ZNF212: variants seen among roughly 807,000 people sequenced by gnomAD.
The protein encoded by ZNF212 is Zinc finger protein C2H2-150.
In ZNF212, 32 loss-of-function variants were observed where a neutral mutation model predicts 47.3. The ratio of observed to expected loss-of-function variants is 0.68; its 90% confidence interval spans 0.51 to 0.91. ZNF212 has a LOEUF of 0.91. Ranked by LOEUF, ZNF212 falls within the 40% of genes least tolerant of loss-of-function variation. ZNF212 has a pLI of 0.00. For missense variants in ZNF212, 555 were observed against 622.8 expected, an observed-to-expected ratio of 0.89 and a Z score of 1.16; for synonymous variants, 242 against 253.8, an observed-to-expected ratio of 0.95 and a Z score of 0.44.
At position 149,253,820 on chromosome 7, in the gene ZNF212, T is replaced by G. The variant is rs1796794997; in HGVS notation, c.893T>G (p.Leu298Arg). The change falls in exon 5 of 5, where the codon CTG (leucine) becomes CGG (arginine). Residue 298 changes from leucine (L) to arginine (R), a missense_variant. By Grantham distance (102) the Leu-to-Arg change is moderately radical. Coordinates refer to ENST00000335870, the MANE Select transcript of ZNF212 (RefSeq NM_012256.4). ...PKQKSHRQVQ[L>R]DQECGQGLKL... ...CAGAAATCTCATAGGCAGGTACAGC[T>G]GGACCAGGAATGTGGGCAGGGCCTG... The G allele has an allele frequency of 4.3e-6, 7 of 1,613,872 alleles. No homozygotes were observed. The highest frequency in any genetic ancestry group is 5.9e-6 in the Non-Finnish European group (7 of 1,179,916).
chr7:149,241,487 A>T (rs1026952360), intron 1 of ZNF212, among the ~76,000 whole-genome samples: 1 of 151,868 alleles, frequency 6.6e-6, no homozygotes, highest in Non-Finnish European at 1.5e-5. Flanking sequence ...CTTAAATAAC[A>T]TGAATCTGTC....
intron 1 of ZNF212, among the ~76,000 whole-genome samples, chr7:149,244,628 A>G (rs1294583331): frequency 6.6e-6 from 1 of 152,204 alleles, no homozygotes; most frequent in Non-Finnish European, 1.5e-5. Flanking sequence ...TGATTTTTTT[A>G]ATCCATATAT....
Position 149,254,623 on chromosome 7 carries a change from G to C in ZNF212, c.*208G>C, listed in dbSNP as rs1563190265. The C allele has an allele frequency of 1.4e-6, 1 of 712,766 alleles. No homozygotes were observed. Among genetic ancestry groups the C allele is most frequent in the African/African-American group, 1.8e-5 (1 of 55,700 alleles). The allele number at this position is 712,766 out of a possible 1,614,324, so 44.2% of individuals were successfully genotyped here. ...AGGTCTTCATCCTGCTGCCAAGTTT[G>C]CTGTTTCTTGGCACCTTCAGGTCTC... On this transcript the variant is annotated 3_prime_UTR_variant, in exon 5 of 5. Transcript: ENST00000335870. The surrounding 1 kb of genome is among the most constrained non-coding windows in gnomAD (Gnocchi z 4.5).
rs759971482 is a variant in ZNF212, at chr7:149,253,892, A to G, written c.965A>G (p.Glu322Gly). 1 of 1,614,058 alleles carries G rather than the reference A, an allele frequency of 6.2e-7. No homozygotes were observed. Among genetic ancestry groups the G allele is most frequent in the South Asian group, 1.1e-5 (1 of 91,086 alleles). Reference sequence around the variant, plus strand: ...CGCCCCTACGAATGTTCTGAGTGTGAGATCACCTTCCGCTATAAGCAGCAG... The same window carrying G: ...CGCCCCTACGAATGTTCTGAGTGTGGGATCACCTTCCGCTATAAGCAGCAG... Reference protein sequence around the residue: ...TSRPYECSECEITFRYKQQLA... With the variant: ...TSRPYECSECGITFRYKQQLA... Residue 322 changes from glutamate to glycine, a missense_variant, in exon 5 of 5, where the codon GAG becomes GGG. Physicochemically the swap from Glu to Gly is moderately conservative, Grantham distance 98 (BLOSUM62 -2). Transcript: ENST00000335870.
intron 1 of ZNF212, among the ~76,000 whole-genome samples, chr7:149,249,630 T>C (rs6972149): frequency 0.19 from 29,407 of 151,780 alleles, 3,020 homozygotes; most frequent in Admixed American, 0.31. Flanking sequence ...AGCTTCTTTC[T>C]TTCTTTTTCT....
At position 149,253,816 on chromosome 7, in the gene ZNF212, C is replaced by A; in HGVS notation, c.889C>A (p.Gln297Lys). ...GAAGCAGAAATCTCATAGGCAGGTA[C>A]AGCTGGACCAGGAATGTGGGCAGGG... ...CPKQKSHRQV[Q>K]LDQECGQGLK... Residue 297 changes from glutamine to lysine, a missense_variant, in exon 5 of 5, where the codon CAG becomes AAG. By Grantham distance (53) the Gln-to-Lys change is moderately conservative (BLOSUM62 1). Coordinates refer to ENST00000335870, the MANE Select transcript of ZNF212 (RefSeq NM_012256.4). 1 of 1,614,018 alleles carries A rather than the reference C, an allele frequency of 6.2e-7. No individual in the cohort carries two copies. The highest frequency in any genetic ancestry group is 8.5e-7 in the Non-Finnish European group (1 of 1,179,920).
At chr7:149,239,955 C>T (rs1278927743) in intron 1 of ZNF212, 153 bp downstream of exon 1, 10 of 872,160 alleles carry the variant, frequency 1.1e-5, no homozygotes, top group East Asian at 3.3e-5. Context: ...TCTTCGCGAC[C>T]CCAGTGCTCT....
chr7:149,248,894 CCAGT>C lies in ZNF212; in HGVS notation c.25-1260_25-1257del, dbSNP rs765019763. The stretch of plus-strand genomic sequence containing the variant: ...CCAAACTTAAATGTTCAGTTCTGCA[CCAGT>C]CAGTTTCCTTTTGTCCCATGTTCTC... On this transcript the variant is annotated intron_variant, in intron 1 of 4. Coordinates refer to ENST00000335870, the MANE Select transcript of ZNF212 (RefSeq NM_012256.4). Among the ~76,000 whole-genome samples the C allele has an allele frequency of 7.9e-5, 12 of 152,260 alleles. No individual in the cohort carries two copies. In the South Asian group the frequency reaches 1.9e-3, roughly 24 times the overall value.
rs10263282 is a variant in ZNF212, at chr7:149,250,154, A to C, written c.25-5A>C. The C allele has an allele frequency of 6.6e-7, 1 of 1,515,070 alleles. No homozygotes were observed. The highest frequency in any genetic ancestry group is 8.8e-7 in the Non-Finnish European group (1 of 1,134,586). 93.9% of individuals were successfully genotyped at this position (1,515,070 alleles called of 1,614,324 possible). On this transcript the variant is annotated splice_polypyrimidine_tract_variant and splice_region_variant and intron_variant, in intron 1 of 4. Coordinates refer to ENST00000335870, the MANE Select transcript of ZNF212 (RefSeq NM_012256.4). ...GACATTGACCCTGTGTCTTTAATCC[A>C]TCAGCACAGGAGAAAACGACGCTCC...
intron 3 of ZNF212, among the ~76,000 whole-genome samples, chr7:149,251,491 CTTTTTTTTTTTT>C (rs71194634): frequency 1.7e-4 from 13 of 77,432 alleles, no homozygotes; most frequent in Admixed American, 1.2e-3. Context: ...CCTGTTTTAT[CTTTTTTTTTTTT>C]TTTTTTTTTT....
intron 1 of ZNF212, among the ~76,000 whole-genome samples, chr7:149,244,877 CAG>C (rs1347705936): frequency 1.3e-5 from 2 of 152,118 alleles, no homozygotes; most frequent in Admixed American, 6.6e-5. Flanking sequence ...CCCCACTTGA[CAG>C]AGAGTGGAGC....
chr7:149,252,640 C>T, intron 3 of ZNF212, 66 bp from the exon 4 acceptor site: 5 of 1,452,444 alleles, frequency 3.4e-6, no homozygotes, highest in South Asian at 1.2e-5. Flanking sequence ...TGGTCACTGG[C>T]AGCTGATCAG....
At chr7:149,240,382 A>ACCCCCCCCCCCCCCCCCCCCCCCCCCCC (rs71194632) in intron 1 of ZNF212, among the ~76,000 whole-genome samples, 15 of 109,354 alleles carry the variant, frequency 1.4e-4, no homozygotes, top group African/African-American at 2.4e-4. Context: ...TCTCTCCTTC[A>ACCCCCCCCCCCCCCCCCCCCCCCCCCCC]CCCCCCCCCC....
intron 1 of ZNF212, 187 bp downstream of exon 1, chr7:149,239,989 T>G (rs912580932): frequency 1.5e-5 from 10 of 665,840 alleles, no homozygotes; most frequent in Non-Finnish European, 2.1e-5. Flanking sequence ...TCCGCTTCCT[T>G]CTGCAGCGGG....
intron 1 of ZNF212, among the ~76,000 whole-genome samples, chr7:149,249,073 T>C (rs1216596550): frequency 6.6e-6 from 1 of 152,202 alleles, no homozygotes; most frequent in Non-Finnish European, 1.5e-5. Context: ...GGGTTAGGAC[T>C]GAAGTGAACG....
In ZNF212 at chr7:149,248,100, G is replaced by A. The variant is rs373141321; in HGVS notation, c.25-2059G>A. Among the ~76,000 whole-genome samples the A allele has an allele frequency of 1.4e-4, 22 of 152,296 alleles. 1 individual carries two copies. In the South Asian group the frequency reaches 4.1e-3, roughly 29 times the overall value. On this transcript the variant is annotated intron_variant, in intron 1 of 4. Coordinates refer to ENST00000335870, the MANE Select transcript of ZNF212 (RefSeq NM_012256.4). ...TGCCAATGACAGCTCACCCCTGTGG[G>A]AGCGCATTAATTTATTTATGAGGGA... is the stretch of plus-strand genomic sequence containing the variant.
rs1251077387 is a variant in ZNF212, at chr7:149,253,542, C to T, written c.632-17C>T. 42 of 1,579,824 alleles carry T rather than the reference C, an allele frequency of 2.7e-5. No homozygotes were observed. The Admixed American group carries it at 2.9e-4, about 11-fold the overall frequency. ...CTAGAATGTGATCTTTTTTGTTGGT[C>T]TTCTTCCACTTTGCAGCAGGTGGGG... On this transcript the variant is annotated splice_polypyrimidine_tract_variant and intron_variant, in intron 4 of 4. Transcript: ENST00000335870.
chr7:149,250,575 G>C, intron 2 of ZNF212, 27 bp downstream of exon 2: 1 of 1,604,086 alleles, frequency 6.2e-7, no homozygotes, highest in Non-Finnish European at 8.5e-7. Flanking sequence ...TTAAAAGTTA[G>C]AAGAGAAGGG....
intron 1 of ZNF212, among the ~76,000 whole-genome samples, chr7:149,240,328 T>C (rs1037342541): frequency 4.6e-5 from 7 of 152,120 alleles, no homozygotes; most frequent in African/African-American, 1.7e-4. Context: ...ACGGATGTTA[T>C]CTACAGTGCA....
Sources: allele counts gnomAD v4.1 joint callset (sites outside exome capture counted in the v4.1 genomes callset), GRCh38; gene constraint gnomAD v4.1.1; non-coding constraint Gnocchi (gnomAD v3.1); transcripts MANE v1.5; gene names NCBI Gene and HGNC (gene_info 2026-07-23, HGNC 2026-07-21).